ANO2: variants seen among roughly 807,000 people sequenced by gnomAD.
ANO2 encodes anoctamin 2.
Under a neutral mutation model 124.2 loss-of-function variants are expected in ANO2, and 101 were observed. The observed-to-expected ratio is 0.81, with a 90% CI of 0.69 to 0.96. The LOEUF (loss-of-function observed/expected upper bound fraction) is 0.96, where lower values mean the gene tolerates loss of function less well. ANO2 is among the 40% of genes least tolerant of loss of function. ANO2 has a pLI of 0.00. For synonymous variants in ANO2, 486 were observed against 482.5 expected (o/e 1.01, Z -0.09); for missense variants, 1,293 against 1,274.5 (o/e 1.01, Z -0.22).
chr12:5,818,998 G>C (rs928213128), intron 7 of ANO2, among the ~76,000 whole-genome samples: 1 of 152,196 alleles, frequency 6.6e-6, no homozygotes, highest in Non-Finnish European at 1.5e-5. Flanking sequence ...TGAAGACAAA[G>C]AGCTGAAATT....
chr12:5,704,787 G>A (rs929988936), intron 14 of ANO2, among the ~76,000 whole-genome samples: 10 of 151,854 alleles, frequency 6.6e-5, no homozygotes, highest in East Asian at 1.9e-4. Context: ...GCTTTCTGAC[G>A]AAATGTTTTA....
intron 3 of ANO2, among the ~76,000 whole-genome samples, chr12:5,855,188 T>C (rs1049984263): frequency 2.0e-5 from 3 of 152,170 alleles, no homozygotes; most frequent in Admixed American, 2.0e-4. Flanking sequence ...CCCTCTGATC[T>C]TGGTTTAGTG....
chr12:5,899,716 T>A (rs1439731499), intron 3 of ANO2, among the ~76,000 whole-genome samples: 1 of 152,224 alleles, frequency 6.6e-6, no homozygotes, highest in Non-Finnish European at 1.5e-5. Context: ...GGATTCCAGA[T>A]AACTGTTCTT....
At chr12:5,627,261 C>T (rs897357698) in intron 16 of ANO2, among the ~76,000 whole-genome samples, 1 of 152,196 alleles carries the variant, frequency 6.6e-6, no homozygotes, top group Admixed American at 6.5e-5. Flanking sequence ...AGAATCCCCC[C>T]TGGCCAGACC....
In ANO2 at chr12:5,637,339, A is replaced by ATGTGTGTG. The variant is rs10700184; in HGVS notation, c.1621-2000_1621-1993dup. Among the ~76,000 whole-genome samples the ATGTGTGTG allele has an allele frequency of 5.6e-4, 83 of 149,102 alleles. 1 individual carries two copies. The highest frequency in any genetic ancestry group is 1.0e-3 in the African/African-American group (42 of 40,374). ...GGTGAGGGTATTGAGGAGTGAGTGA[A>ATGTGTGTG]TGTGTGTGTGTGTGTGTGTGTACGT... On this transcript the variant is annotated intron_variant, in intron 15 of 24. Transcript: ENST00000682330.
At chr12:5,742,699 G>A (rs993330615) in intron 12 of ANO2, among the ~76,000 whole-genome samples, 1 of 152,216 alleles carries the variant, frequency 6.6e-6, no homozygotes, top group African/African-American at 2.4e-5. Flanking sequence ...GGTAATATCT[G>A]CAAGACAAAT....
chr12:5,851,607 C>T (rs527649763), intron 4 of ANO2, among the ~76,000 whole-genome samples: 5 of 151,456 alleles, frequency 3.3e-5, no homozygotes, highest in South Asian at 2.1e-4. Flanking sequence ...ATTGCTTGAA[C>T]CTGGGGGACG....
chr12:5,595,138 G>A (rs763138753), intron 20 of ANO2, among the ~76,000 whole-genome samples: 88 of 152,212 alleles, frequency 5.8e-4, no homozygotes, highest in Non-Finnish European at 9.9e-4. Context: ...ATTAATTAGC[G>A]CATGCATGCA....
intron 1 of ANO2, among the ~76,000 whole-genome samples, chr12:5,943,724 C>T (rs775437122): frequency 6.6e-5 from 10 of 152,110 alleles, no homozygotes; most frequent in Non-Finnish European, 1.5e-4. Context: ...ACAATAACAC[C>T]GTCCCTAGCA....
intron 4 of ANO2, among the ~76,000 whole-genome samples, chr12:5,837,756 A>G (rs1366613207): frequency 1.3e-5 from 2 of 151,818 alleles, no homozygotes; most frequent in South Asian, 4.2e-4. Context: ...CACAAGAGAA[A>G]GCAGGAAAGA....
intron 22 of ANO2, 28 bp downstream of exon 22, chr12:5,577,927 C>G (rs370531955): frequency 6.2e-7 from 1 of 1,608,238 alleles, no homozygotes; most frequent in Non-Finnish European, 8.5e-7. Flanking sequence ...TCCCACAGAG[C>G]GAGTGTGTCA....
chr12:5,838,508 T>C (rs1954400933), intron 4 of ANO2, among the ~76,000 whole-genome samples: 1 of 152,168 alleles, frequency 6.6e-6, no homozygotes, highest in African/African-American at 2.4e-5. Flanking sequence ...TCCCCCGTAG[T>C]ACACACCATA....
At chr12:5,687,909 C>G (rs1263705757) in intron 14 of ANO2, among the ~76,000 whole-genome samples, 1 of 152,190 alleles carries the variant, frequency 6.6e-6, no homozygotes, top group East Asian at 1.9e-4. Context: ...ATGTCCCACA[C>G]TGGTTCCCTC....
chr12:5,876,931 C>T (rs1029819281), intron 3 of ANO2, among the ~76,000 whole-genome samples: 11 of 152,090 alleles, frequency 7.2e-5, no homozygotes, highest in African/African-American at 1.9e-4. Context: ...ACCTATGTAA[C>T]GAATCTGCAG....
intron 14 of ANO2, among the ~76,000 whole-genome samples, chr12:5,678,636 G>A (rs1263379430): frequency 1.3e-5 from 2 of 152,178 alleles, no homozygotes; most frequent in African/African-American, 4.8e-5. Flanking sequence ...AGAAGGGCTT[G>A]CAATTGGTGA....
intron 24 of ANO2, among the ~76,000 whole-genome samples, 192 bp downstream of exon 24, chr12:5,565,366 T>C (rs1565416401): frequency 1.3e-5 from 2 of 152,256 alleles, no homozygotes; most frequent in East Asian, 1.9e-4. Context: ...AGTCCACCCA[T>C]TAAAGAAAGC....
chr12:5,873,244 T>TCTCTCTCTCTCTCTCTCTCTCTCTCTCC (rs1253108658), intron 3 of ANO2, among the ~76,000 whole-genome samples: 1 of 141,724 alleles, frequency 7.1e-6, no homozygotes, highest in African/African-American at 2.9e-5. Context: ...TCTCTCTCTC[T>TCTCTCTCTCTCTCTCTCTCTCTCTCTCC]CTGTCTGTCT....
intron 14 of ANO2, among the ~76,000 whole-genome samples, chr12:5,667,973 T>C (rs1947814949): frequency 6.6e-6 from 1 of 152,254 alleles, no homozygotes; most frequent in South Asian, 2.1e-4. Flanking sequence ...TTTGGGTTGA[T>C]TCCATGTGTT....
At chr12:5,646,924 A>G (rs1946667571) in intron 15 of ANO2, among the ~76,000 whole-genome samples, 1 of 152,192 alleles carries the variant, frequency 6.6e-6, no homozygotes. Flanking sequence ...CAGAGTTACA[A>G]CAATTTCCAG....
Sources: allele counts gnomAD v4.1 joint callset (sites outside exome capture counted in the v4.1 genomes callset), GRCh38; gene constraint gnomAD v4.1.1; transcripts MANE v1.5; gene names NCBI Gene and HGNC (gene_info 2026-07-23, HGNC 2026-07-21).